Variants in ALDH1L2 observed in about 807,000 individuals in gnomAD.
ALDH1L2 encodes the protein mitochondrial 10-formyltetrahydrofolate dehydrogenase.
ALDH1L2 carries 91 observed loss-of-function variants against 111.0 expected under a neutral mutation model. The ratio of observed to expected loss-of-function variants is 0.82; its 90% CI spans 0.69 to 0.98. The LOEUF is 0.98. Among genes scored for constraint, ALDH1L2 ranks in the 50% least tolerant of loss-of-function variants. ALDH1L2 has a pLI of 0.00. For missense variants in ALDH1L2, 995 were observed against 1,126.8 expected (o/e 0.88, Z 1.67); for synonymous variants, 374 against 392.6 (o/e 0.95, Z 0.56).
intron 15 of ALDH1L2, among the ~76,000 whole-genome samples, chr12:105,041,063 G>A (rs1229033209): frequency 6.6e-6 from 1 of 152,262 alleles, no homozygotes; most frequent in East Asian, 1.9e-4. Flanking sequence ...TATAAAACAA[G>A]AAATTCTTTT....
intron 10 of ALDH1L2, among the ~76,000 whole-genome samples, chr12:105,053,943 T>C (rs1430868462): frequency 1.3e-5 from 2 of 151,794 alleles, no homozygotes; most frequent in African/African-American, 4.8e-5. Flanking sequence ...TACTAGAATG[T>C]TTTGCAGGTA....
At chr12:105,081,491 G>A (rs1360739262) in intron 1 of ALDH1L2, among the ~76,000 whole-genome samples, 2 of 152,170 alleles carry the variant, frequency 1.3e-5, no homozygotes, top group Admixed American at 6.5e-5. Flanking sequence ...CTGGAGCCAG[G>A]CTATAAACCC....
At chr12:105,051,376 C>G (rs1303288550) in intron 12 of ALDH1L2, among the ~76,000 whole-genome samples, 2 of 152,176 alleles carry the variant, frequency 1.3e-5, no homozygotes, top group Admixed American at 1.3e-4. Flanking sequence ...CGCTGATAGG[C>G]TGTGGTTCAG....
chr12:105,083,629 T>TC (rs1878432466), intron 1 of ALDH1L2, among the ~76,000 whole-genome samples: 1 of 148,988 alleles, frequency 6.7e-6, no homozygotes, highest in Non-Finnish European at 1.5e-5. Flanking sequence ...TTATTTTTTT[T>TC]TTTTCTCTCT....
rs1386681334 is a variant in ALDH1L2 at position 105,058,053 on chromosome 12, A to G, written c.1287+20T>C. On this transcript the variant is annotated intron_variant, in intron 10 of 22. Transcript: ENST00000258494. The stretch of plus-strand genomic sequence containing the variant: ...ATGGATCTCACTGATTTAGGGTTGC[A>G]ACATCAAGGAAAAGCTTACATAATC... 1.2e-6 allele frequency: 2 copies of G among 1,607,200 alleles called. No homozygotes were observed. Among genetic ancestry groups the G allele is most frequent in the Admixed American group, 3.4e-5 (2 of 58,540 alleles).
At chr12:105,053,538 C>T (rs1341151646) in intron 10 of ALDH1L2, among the ~76,000 whole-genome samples, 1 of 152,076 alleles carries the variant, frequency 6.6e-6, no homozygotes, top group Non-Finnish European at 1.5e-5. Flanking sequence ...GGTAATATAT[C>T]AATGCAAGGT....
At chr12:105,065,180 C>A (rs1168532905) in intron 6 of ALDH1L2, 87 bp downstream of exon 6, 1 of 879,970 alleles carries the variant, frequency 1.1e-6, no homozygotes, top group East Asian at 3.1e-5. Context: ...CAAGGAAGAA[C>A]CATGGGAAGC....
intron 19 of ALDH1L2, among the ~76,000 whole-genome samples, chr12:105,033,954 T>C (rs1368392953): frequency 2.0e-5 from 3 of 152,158 alleles, no homozygotes; most frequent in African/African-American, 7.2e-5. Flanking sequence ...CCTCTAACTT[T>C]TTTACTATAA....
At chr12:105,053,322 G>C (rs575823933) in intron 10 of ALDH1L2, among the ~76,000 whole-genome samples, 2 of 152,260 alleles carry the variant, frequency 1.3e-5, no homozygotes, top group Middle Eastern at 3.4e-3. Context: ...TTTTACACTG[G>C]TGCCATTTTA....
chr12:105,058,521 A>C (rs553944311), intron 9 of ALDH1L2, among the ~76,000 whole-genome samples: 2 of 152,354 alleles, frequency 1.3e-5, no homozygotes, highest in African/African-American at 4.8e-5. Context: ...ATATAAAGTC[A>C]ACTCCTTTCC....
intron 22 of ALDH1L2, among the ~76,000 whole-genome samples, chr12:105,025,562 C>G (rs540913261): frequency 6.6e-6 from 1 of 152,200 alleles, no homozygotes; most frequent in Non-Finnish European, 1.5e-5. Flanking sequence ...GGGGGGAAGC[C>G]CTTACCTTCA....
chr12:105,054,053 A>G (rs976872240), intron 10 of ALDH1L2, among the ~76,000 whole-genome samples: 2 of 152,054 alleles, frequency 1.3e-5, no homozygotes, highest in Non-Finnish European at 2.9e-5. Flanking sequence ...AAATAGGGTA[A>G]AAATAATGGA....
chr12:105,058,364 T>A, intron 9 of ALDH1L2, 144 bp from the exon 10 acceptor site: 1 of 766,144 alleles, frequency 1.3e-6, no homozygotes, highest in Non-Finnish European at 1.9e-6. Flanking sequence ...GTGATACTCA[T>A]CAGAGAAATT....
chr12:105,031,943 T>C lies in ALDH1L2; in HGVS notation c.2245-9A>G, dbSNP rs777167469. ...TTTTTAATTTCTTCTACCTGTATGT[T>C]ACCCAGTCCATAAAAACACAATTCA... On this transcript the variant is annotated splice_polypyrimidine_tract_variant and intron_variant, in intron 19 of 22. Transcript: ENST00000258494. The C allele has an allele frequency of 1.9e-6, 3 of 1,613,084 alleles. No individual in the cohort carries two copies. The highest frequency in any genetic ancestry group is 4.5e-5 in the East Asian group (2 of 44,880).
chr12:105,060,429 A>C (rs1338913515), intron 9 of ALDH1L2: 4 of 152,236 alleles, frequency 2.6e-5, no homozygotes, highest in Admixed American at 2.6e-4. Flanking sequence ...TTGCTTTTTT[A>C]GGTATACGGA....
intron 16 of ALDH1L2, 127 bp downstream of exon 16, chr12:105,040,480 G>T: frequency 1.1e-6 from 1 of 894,996 alleles, no homozygotes; most frequent in Non-Finnish European, 1.8e-6. Flanking sequence ...ATCCTTAACT[G>T]TTTGGTGAAT....
intron 6 of ALDH1L2, 146 bp downstream of exon 6, chr12:105,065,121 A>C: frequency 2.1e-6 from 1 of 472,898 alleles, no homozygotes. Flanking sequence ...ATAAATGCTT[A>C]ATACATGCTG....
intron 6 of ALDH1L2, among the ~76,000 whole-genome samples, chr12:105,064,776 C>T (rs1239679267): frequency 1.3e-5 from 2 of 152,188 alleles, no homozygotes; most frequent in Admixed American, 6.5e-5. Flanking sequence ...ATAGAAGACC[C>T]TTCAGGCCCT....
intron 21 of ALDH1L2, among the ~76,000 whole-genome samples, chr12:105,027,717 C>T (rs1169075926): frequency 6.6e-6 from 1 of 152,192 alleles, no homozygotes; most frequent in African/African-American, 2.4e-5. Flanking sequence ...TTTTTCCAAA[C>T]TTAATATTTT....
Sources: gnomAD v4.1 joint callset for allele counts (sites outside exome capture counted in the v4.1 genomes callset) on GRCh38, gnomAD v4.1.1 for gene constraint, MANE v1.5 for transcripts, NCBI Gene and HGNC (gene_info 2026-07-23, HGNC 2026-07-21) for gene names.